RIMBP2: variants seen among roughly 807,000 people sequenced by gnomAD.
RIMBP2 encodes RIMS-binding protein 2.
Under a neutral mutation model 118.6 loss-of-function variants are expected in RIMBP2, and 48 were observed. The observed-to-expected ratio is 0.40, with a 90% CI of 0.32 to 0.51. The LOEUF (loss-of-function observed/expected upper bound fraction) is 0.51, where lower values mean the gene tolerates loss of function less well. Among genes scored for constraint, RIMBP2 ranks in the 20% least tolerant of loss-of-function variants. The probability of loss-of-function intolerance (pLI) is 0.41; values close to 1 mark genes in which losing one functional copy is unlikely to be tolerated. For missense variants in RIMBP2, 1,551 were observed against 1,768.3 expected (o/e 0.88, Z 2.20); for synonymous variants, 762 against 742.9 (o/e 1.03, Z -0.42).
chr12:130,577,451 G>T (rs2058161243), intron 2 of RIMBP2, among the ~76,000 whole-genome samples: 1 of 152,182 alleles, frequency 6.6e-6, no homozygotes, highest in Non-Finnish European at 1.5e-5. Context: ...TACAGTCACA[G>T]CAGGTCAAGG....
chr12:130,582,446 A>C (rs895191242), intron 2 of RIMBP2, among the ~76,000 whole-genome samples: 2 of 152,144 alleles, frequency 1.3e-5, no homozygotes, highest in Non-Finnish European at 2.9e-5. Context: ...ATTCCAGCCC[A>C]TGCTCTTCCT....
intron 2 of RIMBP2, among the ~76,000 whole-genome samples, chr12:130,596,456 A>C (rs1218456128): frequency 2.0e-5 from 3 of 152,030 alleles, no homozygotes; most frequent in Admixed American, 2.0e-4. Context: ...TCAATTGCAA[A>C]ACCAGGATGT....
intron 6 of RIMBP2, among the ~76,000 whole-genome samples, chr12:130,463,819 G>C (rs2080218636): frequency 6.6e-6 from 1 of 152,082 alleles, no homozygotes; most frequent in East Asian, 1.9e-4. Flanking sequence ...TAGGAGCTCA[G>C]CACAAGATAC....
At chr12:130,628,729 G>A (rs1449301519) in intron 1 of RIMBP2, among the ~76,000 whole-genome samples, 1 of 152,146 alleles carries the variant, frequency 6.6e-6, no homozygotes, top group East Asian at 1.9e-4. Flanking sequence ...TGAAGCTTTT[G>A]TGACTCCTTG....
At chr12:130,651,851 A>G (rs1324420524) in intron 1 of RIMBP2, among the ~76,000 whole-genome samples, 2 of 152,144 alleles carry the variant, frequency 1.3e-5, no homozygotes, top group African/African-American at 4.8e-5. Context: ...CTTAGCAGTT[A>G]TCATATTATA....
At chr12:130,407,879 C>G (rs1050392929) in intron 19 of RIMBP2, 50 bp from the exon 20 acceptor site, 9 of 1,539,100 alleles carry the variant, frequency 5.8e-6, no homozygotes, top group Non-Finnish European at 8.1e-6. Context: ...TTATTTCAAA[C>G]TTAGCGGTGT....
At chr12:130,470,786 G>C (rs2080936957) in intron 5 of RIMBP2, 43 bp from the exon 6 acceptor site, 1 of 1,153,858 alleles carries the variant, frequency 8.7e-7, no homozygotes, top group Non-Finnish European at 1.1e-6. Context: ...ATGTCCAAAG[G>C]GGAAAGAAGA....
At chr12:130,428,641 A>C in intron 14 of RIMBP2, 2 of 240,210 alleles carry the variant, frequency 8.3e-6, no homozygotes, top group Non-Finnish European at 1.6e-5. Context: ...CGCGGGCAGA[A>C]TGTCCATTTC....
At chr12:130,599,159 T>C (rs570078345) in intron 2 of RIMBP2, among the ~76,000 whole-genome samples, 301 of 152,324 alleles carry the variant, frequency 2.0e-3, no homozygotes, top group African/African-American at 7.0e-3. Context: ...TCCTTCACGA[T>C]ACGCAAAAAT....
At chr12:130,482,003 G>C (rs1263830485) in intron 4 of RIMBP2, among the ~76,000 whole-genome samples, 7 of 150,852 alleles carry the variant, frequency 4.6e-5, no homozygotes, top group Non-Finnish European at 7.4e-5. Flanking sequence ...ATACATTGCA[G>C]GGCATTTTTA....
chr12:130,534,428 A>G (rs775525724), intron 2 of RIMBP2, among the ~76,000 whole-genome samples: 1 of 152,188 alleles, frequency 6.6e-6, no homozygotes, highest in Admixed American at 6.5e-5. Context: ...CCTGACCAAC[A>G]TGGTGAAACT....
chr12:130,437,821 C>T (rs933164638), intron 12 of RIMBP2, among the ~76,000 whole-genome samples: 7 of 152,160 alleles, frequency 4.6e-5, no homozygotes, highest in East Asian at 3.9e-4. Context: ...TCCTGCAGGG[C>T]GGAGCTGGGG....
At chr12:130,406,301 T>A in intron 20 of RIMBP2, 58 bp from the exon 21 acceptor site, 1 of 1,145,972 alleles carries the variant, frequency 8.7e-7, no homozygotes, top group Non-Finnish European at 1.3e-6. Flanking sequence ...AGTAGTTTTT[T>A]AAAAATAAGT....
chr12:130,423,265 T>A (rs2076529767), intron 16 of RIMBP2, among the ~76,000 whole-genome samples: 2 of 151,682 alleles, frequency 1.3e-5, no homozygotes, highest in East Asian at 3.9e-4. Flanking sequence ...GGGAAGGGAG[T>A]CCGGGGATGA....
chr12:130,682,875 T>C (rs955300047), intron 1 of RIMBP2, among the ~76,000 whole-genome samples: 1 of 152,242 alleles, frequency 6.6e-6, no homozygotes, highest in Non-Finnish European at 1.5e-5. Context: ...ATTGTTCACA[T>C]CCAAGTATTT....
chr12:130,597,307 G>A (rs978953383), intron 2 of RIMBP2, among the ~76,000 whole-genome samples: 6 of 152,288 alleles, frequency 3.9e-5, no homozygotes, highest in Admixed American at 6.5e-5. Flanking sequence ...GCAGTGGTGC[G>A]ATCTCTGCTC....
At chr12:130,401,099 C>CTGAGGATGAAGAAGGT (rs2074499448) in intron 21 of RIMBP2, among the ~76,000 whole-genome samples, 2 of 151,998 alleles carry the variant, frequency 1.3e-5, no homozygotes, top group African/African-American at 4.8e-5. Flanking sequence ...GAACTATATA[C>CTGAGGATGAAGAAGGT]TTAAAAATGA....
At chr12:130,520,692 AAAG>A (rs1224683699) in intron 2 of RIMBP2, among the ~76,000 whole-genome samples, 1 of 150,380 alleles carries the variant, frequency 6.6e-6, no homozygotes, top group Non-Finnish European at 1.5e-5. Flanking sequence ...AAAAAAAAAA[AAAG>A]CCAGTCACAG....
At chr12:130,661,080 T>C (rs2063640842) in intron 1 of RIMBP2, among the ~76,000 whole-genome samples, 1 of 152,232 alleles carries the variant, frequency 6.6e-6, no homozygotes, top group Non-Finnish European at 1.5e-5. Flanking sequence ...TCTCAGATTC[T>C]CAATTTTCTT....
Sources: allele counts gnomAD v4.1 joint callset (sites outside exome capture counted in the v4.1 genomes callset), GRCh38; gene constraint gnomAD v4.1.1; transcripts MANE v1.5; gene names NCBI Gene and HGNC (gene_info 2026-07-23, HGNC 2026-07-21).